Variants in ITGAV observed in about 807,000 individuals in gnomAD.
ITGAV encodes the protein integrin alpha-V.
In ITGAV, 76 loss-of-function variants were observed where a neutral mutation model predicts 143.8. The ratio of observed to expected loss-of-function variants is 0.53; its 90% confidence interval spans 0.44 to 0.64. The LOEUF is 0.64. Among genes scored for constraint, ITGAV ranks in the 30% least tolerant of loss-of-function variants. The pLI, the probability that ITGAV is intolerant of heterozygous loss-of-function variation, is 0.00. For synonymous variants in ITGAV, 453 were observed against 446.7 expected (o/e 1.01, Z -0.18); for missense variants, 1,193 against 1,274.7 (o/e 0.94, Z 0.98).
At chr2:186,628,550 C>T (rs1687737652) in intron 4 of ITGAV, among the ~76,000 whole-genome samples, 1 of 152,060 alleles carries the variant, frequency 6.6e-6, no homozygotes, top group Non-Finnish European at 1.5e-5. Context: ...AATTAAGTAA[C>T]TTGACCGTGG....
At chr2:186,611,829 G>A (rs754978124) in intron 2 of ITGAV, among the ~76,000 whole-genome samples, 3 of 152,078 alleles carry the variant, frequency 2.0e-5, no homozygotes, top group Admixed American at 6.5e-5. Flanking sequence ...CCAGCACTTC[G>A]GGAGGCAGAG....
At chr2:186,616,435 C>T (rs1048957892) in intron 2 of ITGAV, among the ~76,000 whole-genome samples, 1 of 151,424 alleles carries the variant, frequency 6.6e-6, no homozygotes, top group Admixed American at 6.6e-5. Context: ...CCCGCCAGCA[C>T]GCCCGGCTAA....
intron 10 of ITGAV, among the ~76,000 whole-genome samples, chr2:186,639,846 C>A (rs1000751673): frequency 2.0e-5 from 3 of 152,164 alleles, no homozygotes; most frequent in African/African-American, 7.2e-5. Context: ...CACTTCCAAG[C>A]CAAACACCAT....
intron 26 of ITGAV, 95 bp downstream of exon 26, chr2:186,669,909 T>G: frequency 3.4e-5 from 26 of 766,450 alleles, no homozygotes; most frequent in Non-Finnish European, 4.9e-5. Context: ...ACAACAGCTG[T>G]GCTTGAACAA....
At chr2:186,635,829 G>A (rs924441446) in intron 6 of ITGAV, among the ~76,000 whole-genome samples, 2 of 152,128 alleles carry the variant, frequency 1.3e-5, no homozygotes, top group Non-Finnish European at 2.9e-5. Flanking sequence ...GCTTTCTAGT[G>A]ATTTAAGACA....
chr2:186,646,649 G>T, intron 12 of ITGAV, 37 bp from the exon 13 acceptor site: 15 of 1,465,882 alleles, frequency 1.0e-5, no homozygotes, highest in South Asian at 4.1e-5. Flanking sequence ...CCTTACTTCT[G>T]TCATTCTCCT....
rs574313144 is a variant in ITGAV, at chr2:186,638,546, G to A, written c.903+81G>A. The A allele has an allele frequency of 2.8e-4, 285 of 1,007,660 alleles. 2 individuals are homozygous for A. In the East Asian group the frequency reaches 5.7e-3, roughly 20 times the overall value. 62.4% of individuals were successfully genotyped at this position (1,007,660 alleles called of 1,614,324 possible). ...TGGAGAAAATTTGCGAAATAAAACT[G>A]TAAAAATGAACTATAATCTCATCAA... On this transcript the variant is annotated intron_variant, in intron 10 of 29. Transcript: ENST00000261023.
intron 10 of ITGAV, among the ~76,000 whole-genome samples, chr2:186,639,866 A>AG (rs1024269790): frequency 3.9e-5 from 6 of 152,172 alleles, no homozygotes; most frequent in Non-Finnish European, 8.8e-5. Flanking sequence ...TAGGTGACTA[A>AG]GGCCCATGAA....
At chr2:186,628,271 G>A (rs1268038756) in intron 4 of ITGAV, among the ~76,000 whole-genome samples, 1 of 152,058 alleles carries the variant, frequency 6.6e-6, no homozygotes, top group African/African-American at 2.4e-5. Context: ...AACTTTGCTT[G>A]TCTTGTGGGT....
Position 186,649,887 on chromosome 2 carries a change from T to TAG in ITGAV, c.1397+2_1397+3insAG. ...TGTAGATCGAGCTATCTTATACAGG[T>TAG]GAGCATTTTCTGTATCCTGCGGTAT... On this transcript the variant is annotated splice_region_variant and intron_variant, in intron 14 of 29. Transcript: ENST00000261023. 7.0e-7 allele frequency: 1 copy of TAG among 1,432,110 alleles called. No individual in the cohort carries two copies. The highest frequency in any genetic ancestry group is 1.9e-5 in the African/African-American group (1 of 52,294). 88.7% of individuals were successfully genotyped at this position (1,432,110 alleles called of 1,614,324 possible). A position where few individuals can be genotyped will look rare whatever the true frequency, so the allele number is the denominator to read the frequency against.
intron 18 of ITGAV, among the ~76,000 whole-genome samples, chr2:186,663,128 A>G (rs1235167741): frequency 3.3e-5 from 5 of 152,092 alleles, no homozygotes; most frequent in Non-Finnish European, 1.5e-5. Context: ...CTAGTGGGGA[A>G]AAAGTTCAGG....
chr2:186,676,838 T>G lies in ITGAV; in HGVS notation c.2954T>G (p.Ile985Ser), dbSNP rs375077965. ...GTTACCACTAATGTCACCTGGGGCA[T>G]TCAGCCAGCGCCCATGCCTGTGCCT... Reference protein sequence around the residue: ...TLVTTNVTWGIQPAPMPVPVW... With the variant: ...TLVTTNVTWGSQPAPMPVPVW... Residue 985 changes from isoleucine (I) to serine (S), a missense_variant, in exon 29 of 30, where the codon ATT (isoleucine) becomes AGT (serine). Physicochemically the swap from Ile to Ser is moderately radical, Grantham distance 142. Coordinates refer to ENST00000261023, the MANE Select transcript of ITGAV (RefSeq NM_002210.5). The G allele has an allele frequency of 1.9e-6, 3 of 1,613,980 alleles. No individual in the cohort carries two copies. The highest frequency in any genetic ancestry group is 2.5e-6 in the Non-Finnish European group (3 of 1,179,958).
At chr2:186,647,202 A>G (rs892825669) in intron 13 of ITGAV, among the ~76,000 whole-genome samples, 8 of 151,548 alleles carry the variant, frequency 5.3e-5, no homozygotes, top group African/African-American at 1.9e-4. Context: ...TATTTTTTTA[A>G]TTATGTAGAA....
At chr2:186,660,290 C>A (rs1688708899) in intron 18 of ITGAV, among the ~76,000 whole-genome samples, 1 of 152,222 alleles carries the variant, frequency 6.6e-6, no homozygotes, top group Admixed American at 6.5e-5. Flanking sequence ...CTTTTGAAAC[C>A]CTTGGAGGGC....
At chr2:186,647,550 T>C (rs551836916) in intron 13 of ITGAV, among the ~76,000 whole-genome samples, 1 of 152,324 alleles carries the variant, frequency 6.6e-6, no homozygotes, top group South Asian at 2.1e-4. Flanking sequence ...TTGTGATTTT[T>C]TTTTCAAGTA....
chr2:186,680,765 G>A lies in ITGAV; in HGVS notation c.*3473G>A, dbSNP rs1355287384. ...ATATCTTTGTGGTCACCCACATTGG[G>A]TGAGACAGAAAATGAATCTGTTCTA... On this transcript the variant is annotated 3_prime_UTR_variant, in exon 30 of 30. Transcript: ENST00000261023. The A allele has an allele frequency of 6.6e-6, 1 of 152,596 alleles. No individual in the cohort carries two copies. The highest frequency in any genetic ancestry group is 1.5e-5 in the Non-Finnish European group (1 of 68,004). The allele number at this position is 152,596 out of a possible 1,614,324, so 9.5% of individuals were successfully genotyped here. A position where few individuals can be genotyped will look rare whatever the true frequency, so the allele number is the denominator to read the frequency against.
intron 26 of ITGAV, among the ~76,000 whole-genome samples, chr2:186,671,352 T>G (rs1414043364): frequency 6.6e-6 from 1 of 152,066 alleles, no homozygotes. Flanking sequence ...CTTTCTCAAA[T>G]TTTCCACCTT....
At chr2:186,611,258 C>T (rs966833903) in intron 2 of ITGAV, among the ~76,000 whole-genome samples, 9 of 152,172 alleles carry the variant, frequency 5.9e-5, no homozygotes, top group Non-Finnish European at 1.2e-4. Flanking sequence ...ATCACTTCTG[C>T]AAAGTCCTTT....
At chr2:186,598,668 A>T (rs1287828570) in intron 1 of ITGAV, among the ~76,000 whole-genome samples, 1 of 152,020 alleles carries the variant, frequency 6.6e-6, no homozygotes, top group Non-Finnish European at 1.5e-5. Flanking sequence ...ACCTCAAGTG[A>T]TCTGTCTGCC....
Sources: gnomAD v4.1 joint callset for allele counts (sites outside exome capture counted in the v4.1 genomes callset) on GRCh38, gnomAD v4.1.1 for gene constraint, MANE v1.5 for transcripts, NCBI Gene and HGNC (gene_info 2026-07-23, HGNC 2026-07-21) for gene names.